Variants in ADAMTS13 observed in about 807,000 individuals in gnomAD.
ADAMTS13 encodes ADAM metallopeptidase with thrombospondin type 1 motif 13.
Under a neutral mutation model 155.1 loss-of-function variants are expected in ADAMTS13, and 110 were observed. That is an observed-to-expected ratio of 0.71 (90% CI 0.61 to 0.83). ADAMTS13 has a LOEUF of 0.83. ADAMTS13 is among the 40% of genes least tolerant of loss of function. ADAMTS13 has a pLI of 0.00. For synonymous variants in ADAMTS13, 758 were observed against 756.4 expected (o/e 1.00, Z -0.03); for missense variants, 1,707 against 1,891.7 (o/e 0.90, Z 1.81).
At chr9:133,421,521 C>G (rs587756844), upstream of ADAMTS13, among the ~76,000 whole-genome samples, 1 of 152,280 alleles carries the variant, frequency 6.6e-6, no homozygotes, top group Non-Finnish European at 1.5e-5. Context: ...GGCTCTCTTC[C>G]CTAGAATTTA....
upstream of ADAMTS13, chr9:133,417,654 T>C: frequency 6.2e-7 from 1 of 1,614,032 alleles, no homozygotes; most frequent in Non-Finnish European, 8.5e-7. Context: ...AGAAAAGTCT[T>C]CTGGTGCCTT....
rs1840451068 is a variant in ADAMTS13, at chr9:133,428,621, G to GC, written c.687-7dup. On this transcript the variant is annotated splice_polypyrimidine_tract_variant and intron_variant, in intron 6 of 28. Transcript: ENST00000355699. ...GCCGGCCGCCTTAGCGCAACTCCCCGCCCCCCGACCAGCTTCGGCCTGGAG... is the reference window on the plus strand; with the variant it reads ...GCCGGCCGCCTTAGCGCAACTCCCCGCCCCCCCGACCAGCTTCGGCCTGGAG... 5 of 1,026,562 alleles carry GC rather than the reference G, an allele frequency of 4.9e-6. No homozygotes were observed. In the Admixed American group the frequency reaches 2.7e-4, roughly 55 times the overall value. 63.6% of individuals were successfully genotyped at this position (1,026,562 alleles called of 1,614,324 possible).
chr9:133,450,721 G>C (rs782318923), intron 23 of ADAMTS13, among the ~76,000 whole-genome samples: 2 of 152,216 alleles, frequency 1.3e-5, no homozygotes, highest in Non-Finnish European at 2.9e-5. Context: ...TGGCACTCCA[G>C]CCTGGGCTAC....
Position 133,429,929 on chromosome 9 carries a change from C to T in ADAMTS13, c.825-10C>T. ...GGACTGAGCCGGGCCTGAGCCGGGC[C>T]TTGTCGCAGCGCAGGACGGGCGCGC... On this transcript the variant is annotated splice_polypyrimidine_tract_variant and intron_variant, in intron 7 of 28. Transcript: ENST00000355699. The T allele has an allele frequency of 1.3e-6, 2 of 1,534,932 alleles. No homozygotes were observed. Among genetic ancestry groups the T allele is most frequent in the East Asian group, 2.5e-5 (1 of 40,794 alleles).
intron 14 of ADAMTS13, 134 bp from the exon 15 acceptor site, chr9:133,439,232 C>G: frequency 1.3e-6 from 1 of 749,830 alleles, no homozygotes; most frequent in South Asian, 1.4e-5. Flanking sequence ...GCCCCCATGA[C>G]AGGGGACTCA....
intron 12 of ADAMTS13, 53 bp downstream of exon 12, chr9:133,437,008 G>A (rs1050175592): frequency 7.0e-6 from 11 of 1,566,236 alleles, no homozygotes; most frequent in Admixed American, 3.7e-5. Context: ...GGAGACCCTC[G>A]GACAGGGCAG....
At chr9:133,417,552 C>G, upstream of ADAMTS13, 2 of 1,536,792 alleles carry the variant, frequency 1.3e-6, no homozygotes, top group Non-Finnish European at 1.8e-6. Flanking sequence ...CTACCCAAGT[C>G]TTTCCCTCCG....
At chr9:133,417,885 C>A (rs1554782097), upstream of ADAMTS13, 1 of 1,568,772 alleles carries the variant, frequency 6.4e-7, no homozygotes, top group Non-Finnish European at 8.6e-7. Context: ...CCACCCGAGA[C>A]CCCGGCCTCC....
rs782291570 is a variant in ADAMTS13, at chr9:133,430,055, C to T, written c.941C>T (p.Ala314Val). 6.3e-7 allele frequency: 1 copy of T among 1,595,508 alleles called. No individual in the cohort carries two copies. The highest frequency in any genetic ancestry group is 1.3e-5 in the African/African-American group (1 of 74,952). ...YYSANEQCRV[A>V]FGPKAVACTF... ...AGCGCCAACGAGCAGTGCCGCGTGG[C>T]CTTCGGCCCCAAGGCTGTCGCCTGC... The change falls in exon 8 of 29, where the codon GCC becomes GTC. Residue 314 changes from alanine to valine, a missense_variant. Ala to Val is a moderately conservative substitution (Grantham distance 64, BLOSUM62 0). Transcript: ENST00000355699.
intron 8 of ADAMTS13, among the ~76,000 whole-genome samples, chr9:133,432,080 A>G (rs587733535): frequency 2.6e-5 from 4 of 152,266 alleles, no homozygotes; most frequent in Middle Eastern, 3.4e-3. Flanking sequence ...CCTGACCAAC[A>G]TGGAGAAATG....
At position 133,445,854 on chromosome 9, in the gene ADAMTS13, C is replaced by G. The variant is rs782368685; in HGVS notation, c.2731+35C>G. 1 of 1,532,768 alleles carries G rather than the reference C, an allele frequency of 6.5e-7. No individual in the cohort carries two copies. The highest frequency in any genetic ancestry group is 1.3e-5 in the South Asian group (1 of 79,006). 94.9% of individuals were successfully genotyped at this position (1,532,768 alleles called of 1,614,324 possible). ...CCCGGGATGCTCCTGGGGACCAGCACTCATGGTAACTCTCCTGTCCACTTG... is the reference window on the plus strand; with the variant it reads ...CCCGGGATGCTCCTGGGGACCAGCAGTCATGGTAACTCTCCTGTCCACTTG... On this transcript the variant is annotated intron_variant, in intron 21 of 28. Transcript: ENST00000355699. This position sits in a 1 kb window ranked among gnomAD's most constrained non-coding sequence, Gnocchi z 5.0.
chr9:133,452,008 A>C lies in ADAMTS13; in HGVS notation c.3044+2043A>C, dbSNP rs1004782435. Among the ~76,000 whole-genome samples, 95 of 150,232 alleles carry C rather than the reference A, an allele frequency of 6.3e-4. 1 individual carries two copies. Among genetic ancestry groups the C allele is most frequent in the African/African-American group, 2.2e-3 (90 of 40,842 alleles). ...CCAAAGGATTTTTTTTTTTTTCTAA[A>C]TTGTTAACTAGCATCTGTTGGACAA... On this transcript the variant is annotated intron_variant, in intron 23 of 28. Transcript: ENST00000355699.
intron 7 of ADAMTS13, 131 bp from the exon 8 acceptor site, chr9:133,429,808 G>C: frequency 8.0e-7 from 1 of 1,257,562 alleles, no homozygotes; most frequent in Non-Finnish European, 1.1e-6. Context: ...GGCGCGGGCC[G>C]AGAACTCCTG....
At chr9:133,418,819 G>T (rs1205136696), upstream of ADAMTS13, among the ~76,000 whole-genome samples, 1 of 152,214 alleles carries the variant, frequency 6.6e-6, no homozygotes, top group African/African-American at 2.4e-5. Flanking sequence ...CGCGGCGCCG[G>T]GCTGTCTGCC....
At chr9:133,455,235 G>T in intron 24 of ADAMTS13, 50 bp from the exon 25 acceptor site, 1 of 1,586,940 alleles carries the variant, frequency 6.3e-7, no homozygotes, top group Non-Finnish European at 8.6e-7. Context: ...CACTGTCCTT[G>T]TCACCTTCTG....
rs879399749 is a variant in ADAMTS13 at position 133,423,171 on chromosome 9, C to T, written c.172+4C>T. On this transcript the variant is annotated splice_donor_region_variant and intron_variant, in intron 2 of 28. Transcript: ENST00000355699. Reference sequence around the variant, plus strand: ...AGCCCTGGTGCTCCCTTAAAAGGTACTTGTCCTGGTGTCTTCTCTCCCGGG... The same window carrying T: ...AGCCCTGGTGCTCCCTTAAAAGGTATTTGTCCTGGTGTCTTCTCTCCCGGG... 1.2e-6 allele frequency: 2 copies of T among 1,613,856 alleles called. No homozygotes were observed. Among genetic ancestry groups the T allele is most frequent in the Non-Finnish European group, 1.7e-6 (2 of 1,179,834 alleles).
At chr9:133,438,166 C>T in intron 13 of ADAMTS13, 80 bp from the exon 14 acceptor site, 1 of 1,611,464 alleles carries the variant, frequency 6.2e-7, no homozygotes, top group African/African-American at 1.3e-5. Flanking sequence ...ATCCCAGAAT[C>T]TCAGAGCTGG....
intron 11 of ADAMTS13, among the ~76,000 whole-genome samples, 175 bp from the exon 12 acceptor site, chr9:133,436,654 G>A (rs1417328234): frequency 6.6e-6 from 1 of 152,144 alleles, no homozygotes; most frequent in Admixed American, 6.5e-5. Context: ...CATCAATAGA[G>A]AGAGGCAGGC....
intron 15 of ADAMTS13, 62 bp downstream of exon 15, chr9:133,439,508 CCA>C: frequency 2.1e-6 from 3 of 1,433,900 alleles, no homozygotes; most frequent in Non-Finnish European, 3.0e-6. Flanking sequence ...AGCACTGTTG[CCA>C]AGATGCCCTC....
Sources: gnomAD v4.1 joint callset for allele counts (sites outside exome capture counted in the v4.1 genomes callset) on GRCh38, gnomAD v4.1.1 for gene constraint, Gnocchi (gnomAD v3.1) non-coding constraint, MANE v1.5 for transcripts, NCBI Gene and HGNC (gene_info 2026-07-23, HGNC 2026-07-21) for gene names.